Variants in EXD2 observed in about 807,000 individuals in gnomAD.
EXD2 encodes exonuclease 3'-5' domain containing 2, also known as exonuclease 3'-5' domain-containing protein 2.
Under a neutral mutation model 62.5 loss-of-function variants are expected in EXD2, and 40 were observed. The ratio of observed to expected loss-of-function variants is 0.64; its 90% confidence interval spans 0.50 to 0.83. The LOEUF (loss-of-function observed/expected upper bound fraction) is 0.83. EXD2 is among the 40% of genes least tolerant of loss of function. EXD2 has a pLI of 0.00. For synonymous variants in EXD2, 239 were observed against 291.9 expected, an observed-to-expected ratio of 0.82 and a Z score of 1.85; for missense variants, 671 against 761.8, an observed-to-expected ratio of 0.88 and a Z score of 1.40.
Position 69,199,072 on chromosome 14 carries a change from C to T in EXD2, c.-131-4845C>T, listed in dbSNP as rs563516233. 6.7e-3 allele frequency among the ~76,000 whole-genome samples: 1,026 copies of T among 152,250 alleles called. 3 individuals carry two copies. Among genetic ancestry groups the T allele is most frequent in the Non-Finnish European group, 0.011 (754 of 68,014 alleles). The stretch of plus-strand genomic sequence containing the variant: ...CAGCCTGGCCAACATGGTGAAACCC[C>T]GTCTCTACTAAAAATTTAAAAAATA... On this transcript the variant is annotated intron_variant, in intron 1 of 9. Coordinates refer to ENST00000685843, the MANE Select transcript of EXD2 (RefSeq NM_001193360.2).
intron 1 of EXD2, among the ~76,000 whole-genome samples, chr14:69,197,382 T>G (rs1027769819): frequency 2.0e-5 from 3 of 152,212 alleles, no homozygotes; most frequent in African/African-American, 4.8e-5. Context: ...TTTCCCATTC[T>G]GTGGGTTGTC....
chr14:69,226,437 C>G (rs906689775), intron 3 of EXD2, among the ~76,000 whole-genome samples: 2 of 152,094 alleles, frequency 1.3e-5, no homozygotes, highest in African/African-American at 4.8e-5. Context: ...GGTTTTACTC[C>G]GCCTTAGAAA....
intron 3 of EXD2, among the ~76,000 whole-genome samples, chr14:69,211,967 C>T (rs773359040): frequency 4.6e-5 from 7 of 152,184 alleles, no homozygotes; most frequent in Non-Finnish European, 8.8e-5. Flanking sequence ...TTCCACATTT[C>T]CCTTTAGGCA....
intron 3 of EXD2, among the ~76,000 whole-genome samples, chr14:69,223,563 G>T (rs1258977428): frequency 6.6e-6 from 1 of 152,196 alleles, no homozygotes; most frequent in Non-Finnish European, 1.5e-5. Context: ...TCACAAAGAG[G>T]TATAGGTTTC....
intron 3 of EXD2, among the ~76,000 whole-genome samples, chr14:69,221,767 C>A (rs551212536): frequency 2.0e-4 from 30 of 151,114 alleles, no homozygotes; most frequent in African/African-American, 7.3e-4. Flanking sequence ...GACCCTGTCT[C>A]CCCCTCCAAA....
At chr14:69,214,868 T>G (rs2042937507) in intron 3 of EXD2, among the ~76,000 whole-genome samples, 1 of 152,174 alleles carries the variant, frequency 6.6e-6, no homozygotes, top group South Asian at 2.1e-4. Context: ...TTCCAAACAT[T>G]GTGAGATTTA....
chr14:69,219,879 T>C (rs943454298), intron 3 of EXD2, among the ~76,000 whole-genome samples: 2 of 152,234 alleles, frequency 1.3e-5, no homozygotes, highest in African/African-American at 4.8e-5. Context: ...GTAGATGTGG[T>C]GATAGTGGAC....
At chr14:69,238,122 A>G (rs1487966977) in intron 9 of EXD2, among the ~76,000 whole-genome samples, 191 bp downstream of exon 9, 3 of 152,232 alleles carry the variant, frequency 2.0e-5, no homozygotes, top group African/African-American at 7.2e-5. Context: ...GTTCCTTTCC[A>G]TAGGAAACTT....
intron 1 of EXD2, among the ~76,000 whole-genome samples, chr14:69,200,949 C>G (rs941437317): frequency 5.3e-5 from 8 of 151,802 alleles, no homozygotes; most frequent in African/African-American, 1.7e-4. Flanking sequence ...TGGCGGGCAT[C>G]TGTAGTCCTA....
chr14:69,222,713 T>G (rs1417164036), intron 3 of EXD2, among the ~76,000 whole-genome samples: 1 of 151,688 alleles, frequency 6.6e-6, no homozygotes, highest in Non-Finnish European at 1.5e-5. Flanking sequence ...TTTTTTTTAA[T>G]ACATAGGAAT....
At chr14:69,238,520 G>A (rs944446166) in intron 9 of EXD2, among the ~76,000 whole-genome samples, 5 of 150,976 alleles carry the variant, frequency 3.3e-5, no homozygotes, top group Non-Finnish European at 7.4e-5. Flanking sequence ...CAAATGCTAT[G>A]TAAGTAGCTT....
At chr14:69,230,689 G>A in intron 5 of EXD2, 91 bp downstream of exon 5, 3 of 1,418,322 alleles carry the variant, frequency 2.1e-6, no homozygotes, top group Non-Finnish European at 2.8e-6. Flanking sequence ...TATAGTATAA[G>A]TATTGGATGG....
chr14:69,217,799 T>C (rs1319397605), intron 3 of EXD2, among the ~76,000 whole-genome samples: 4 of 152,188 alleles, frequency 2.6e-5, no homozygotes, highest in African/African-American at 4.8e-5. Context: ...GTTTGGTTTT[T>C]TGTCCTTGCG....
At position 69,235,765 on chromosome 14, in the gene EXD2, C is replaced by T; in HGVS notation, c.1050-281C>T. 7.4e-6 allele frequency: 3 copies of T among 407,032 alleles called. No individual in the cohort carries two copies. The South Asian group carries it at 7.4e-5, about 10-fold the overall frequency. The allele number at this position is 407,032 out of a possible 1,614,324, so 25.2% of individuals were successfully genotyped here. ...TTGTTGCTTGGTTCTTTTTTGCATT[C>T]ACAGCAGAGCTGTGTGTAAACCACT... is the stretch of plus-strand genomic sequence containing the variant. On this transcript the variant is annotated intron_variant, in intron 6 of 9. Transcript: ENST00000685843.
At chr14:69,203,448 C>A (rs890576766) in intron 1 of EXD2, among the ~76,000 whole-genome samples, 2 of 152,050 alleles carry the variant, frequency 1.3e-5, no homozygotes, top group African/African-American at 2.4e-5. Flanking sequence ...GTGCAGAAGG[C>A]CTTGGCCAGG....
rs778711587 is a variant in EXD2, at chr14:69,229,039, G to T, written c.557G>T (p.Cys186Phe). 1 of 1,614,224 alleles carries T rather than the reference G, an allele frequency of 6.2e-7. No homozygotes were observed. The highest frequency in any genetic ancestry group is 1.3e-5 in the African/African-American group (1 of 75,056). The change falls in exon 4 of 10, where the codon TGC becomes TTC. Residue 186 changes from cysteine (C) to phenylalanine (F), a missense_variant. Transcript: ENST00000685843. ...LQDYGLVVRGCLDLRYLAMRQ... is the reference protein window; with the variant it reads ...LQDYGLVVRGFLDLRYLAMRQ... Reference sequence around the variant, plus strand: ...GATTATGGCCTCGTTGTTAGGGGGTGCCTGGACCTCCGATACCTAGCCATG... The same window carrying T: ...GATTATGGCCTCGTTGTTAGGGGGTTCCTGGACCTCCGATACCTAGCCATG...
At chr14:69,207,880 C>T (rs2042659056) in intron 2 of EXD2, among the ~76,000 whole-genome samples, 2 of 151,408 alleles carry the variant, frequency 1.3e-5, no homozygotes, top group South Asian at 4.2e-4. Context: ...GCCCTGAGAC[C>T]AAAGGCCATT....
chr14:69,209,824 TAAAAA>T, intron 3 of EXD2, 21 bp downstream of exon 3: 4 of 1,056,244 alleles, frequency 3.8e-6, no homozygotes, highest in Non-Finnish European at 2.5e-6. Flanking sequence ...AAGCAAAAGT[TAAAAA>T]AAAAAAAAAA....
intron 3 of EXD2, among the ~76,000 whole-genome samples, chr14:69,214,620 C>G (rs1005281635): frequency 2.0e-5 from 3 of 152,092 alleles, no homozygotes; most frequent in Admixed American, 1.3e-4. Context: ...GGTCAAGAAA[C>G]GTAAGATTGC....
Sources: allele counts gnomAD v4.1 joint callset (sites outside exome capture counted in the v4.1 genomes callset), GRCh38; gene constraint gnomAD v4.1.1; transcripts MANE v1.5; gene names NCBI Gene and HGNC (gene_info 2026-07-23, HGNC 2026-07-21).